The following MRPS5 variants were observed in gnomAD, a reference collection of about 807,000 sequenced individuals.
The protein encoded by MRPS5 is small ribosomal subunit protein uS5m.
A neutral mutation model predicts 51.9 loss-of-function variants in MRPS5; 27 were observed. The observed-to-expected ratio is 0.52, with a 90% confidence interval of 0.38 to 0.72. The LOEUF (loss-of-function observed/expected upper bound fraction) is 0.72, where lower values mean the gene tolerates loss of function less well. Among genes scored for constraint, MRPS5 ranks in the 30% least tolerant of loss-of-function variants. MRPS5 has a pLI of 0.00. For synonymous variants in MRPS5, 196 were observed against 193.2 expected (o/e 1.01, Z -0.12); for missense variants, 570 against 545.7 (o/e 1.04, Z -0.44).
intron 10 of MRPS5, among the ~76,000 whole-genome samples, chr2:95,099,882 A>C (rs1675745813): frequency 1.3e-5 from 2 of 152,202 alleles, no homozygotes; most frequent in Admixed American, 1.3e-4. Context: ...TTATATACCA[A>C]AAGTTATATA....
At chr2:95,095,863 CA>C (rs1675609867) in intron 10 of MRPS5, among the ~76,000 whole-genome samples, 1 of 151,912 alleles carries the variant, frequency 6.6e-6, no homozygotes, top group African/African-American at 2.4e-5. Context: ...ATCAGAGCAG[CA>C]CTGAAGGAAA....
rs541683811 is a variant in MRPS5 at position 95,095,548 on chromosome 2, A to G, written c.931+4926T>C. On this transcript the variant is annotated intron_variant, in intron 10 of 11. Transcript: ENST00000272418. ...ATCAAACTAGAACTCAGGATTAAGA[A>G]ACTCACTCAAAACCGCTCAACTACA... 4.9e-4 allele frequency among the ~76,000 whole-genome samples: 74 copies of G among 152,362 alleles called. 2 individuals carry two copies. The highest frequency in any genetic ancestry group is 4.0e-3 in the Admixed American group (61 of 15,306).
At chr2:95,117,792 AT>A in intron 2 of MRPS5, 72 bp downstream of exon 2, 1 of 1,293,770 alleles carries the variant, frequency 7.7e-7, no homozygotes. Flanking sequence ...GATTACTTAT[AT>A]TTTTTAAAAC....
rs1216637576 is a variant in MRPS5, at chr2:95,101,683, G to A, written c.804C>T (p.Phe268=). The change falls in exon 8 of 12, where the codon TTC becomes TTT. Residue 268 remains phenylalanine (F), a synonymous_variant. Coordinates refer to ENST00000272418, the MANE Select transcript of MRPS5 (RefSeq NM_031902.5). ...IGKATDRMDA[F]RKAKNRAVHH... ...AGAAAAAAAATGTACATACTTTCCTGAAAGCATCCATCCGATCAGTAGCTT... is the reference window on the plus strand; with the variant it reads ...AGAAAAAAAATGTACATACTTTCCTAAAAGCATCCATCCGATCAGTAGCTT... 6.3e-7 allele frequency: 1 copy of A among 1,598,542 alleles called. No individual in the cohort carries two copies. Among genetic ancestry groups the A allele is most frequent in the Middle Eastern group, 1.7e-4 (1 of 5,976 alleles).
chr2:95,121,521 C>A (rs1676448905), intron 1 of MRPS5, among the ~76,000 whole-genome samples: 1 of 152,216 alleles, frequency 6.6e-6, no homozygotes, highest in Admixed American at 6.5e-5. Context: ...ACGTCCAGTT[C>A]CCCCTCATTT....
intron 1 of MRPS5, among the ~76,000 whole-genome samples, chr2:95,119,937 C>A (rs527744786): frequency 1.3e-5 from 2 of 152,130 alleles, no homozygotes; most frequent in South Asian, 4.2e-4. Flanking sequence ...GTGGCATGCA[C>A]CTGTAATCCC....
intron 10 of MRPS5, among the ~76,000 whole-genome samples, chr2:95,093,979 A>C (rs1675544065): frequency 6.6e-6 from 1 of 152,250 alleles, no homozygotes; most frequent in Non-Finnish European, 1.5e-5. Context: ...AGGAAGCTAA[A>C]AATCTTGAAA....
At chr2:95,120,973 C>G (rs1419918193) in intron 1 of MRPS5, among the ~76,000 whole-genome samples, 2 of 152,052 alleles carry the variant, frequency 1.3e-5, no homozygotes, top group East Asian at 3.9e-4. Context: ...CAAAAATTAG[C>G]CAGGCATGGT....
rs1489850745 is a variant in MRPS5, at chr2:95,086,515, G to A, written c.*842C>T. ...TGAGCAACACAGAGAAAACAGACTG[G>A]AAAAAAAATAAACAGCGCCTCAGGG... On this transcript the variant is annotated 3_prime_UTR_variant, in exon 12 of 12. Transcript: ENST00000272418. 6.6e-6 allele frequency among the ~76,000 whole-genome samples: 1 copy of A among 151,622 alleles called. No homozygotes were observed.
chr2:95,101,402 G>T (rs1168536499), intron 8 of MRPS5, among the ~76,000 whole-genome samples: 1 of 148,246 alleles, frequency 6.7e-6, no homozygotes, highest in Non-Finnish European at 1.5e-5. Context: ...AAAAAAAAAA[G>T]TAACAATTCC....
intron 1 of MRPS5, 50 bp downstream of exon 1, chr2:95,121,684 C>G: frequency 6.6e-7 from 1 of 1,515,624 alleles, no homozygotes; most frequent in African/African-American, 1.4e-5. Flanking sequence ...AGGCGAGCCC[C>G]CCACTCCCGG....
intron 11 of MRPS5, among the ~76,000 whole-genome samples, chr2:95,090,143 CTCCAGCCTGGG>C (rs1372245250): frequency 1.4e-5 from 2 of 140,452 alleles, no homozygotes; most frequent in Non-Finnish European, 1.5e-5. Flanking sequence ...CGCCACTGCA[CTCCAGCCTGGG>C]TGACAGAGCG....
intron 10 of MRPS5, chr2:95,092,721 T>TA (rs1042653077): frequency 6.6e-6 from 1 of 152,194 alleles, no homozygotes; most frequent in Non-Finnish European, 1.5e-5. Context: ...AAATTAAAAT[T>TA]ACAGCAGTCA....
In MRPS5 at chr2:95,108,190, G is replaced by C; in HGVS notation, c.622C>G (p.Pro208Ala). Residue 208 changes from proline (P) to alanine (A), a missense_variant, in exon 5 of 12, where the codon CCT becomes GCT. Coordinates refer to ENST00000272418, the MANE Select transcript of MRPS5 (RefSeq NM_031902.5). ...AGTTTGCTACCTCCACAGGGACCAG[G>C]GTCAGGGGGGCCAAGACTGATGCCT... is the stretch of plus-strand genomic sequence containing the variant. ...WGGISLGPPD[P>A]GPCGETYEDF... 1 of 1,614,086 alleles carries C rather than the reference G, an allele frequency of 6.2e-7. No individual in the cohort carries two copies. The highest frequency in any genetic ancestry group is 1.1e-5 in the South Asian group (1 of 91,076).
chr2:95,110,152 C>A, intron 3 of MRPS5, 111 bp from the exon 4 acceptor site: 2 of 1,371,818 alleles, frequency 1.5e-6, no homozygotes, highest in Non-Finnish European at 2.0e-6. Flanking sequence ...TTTACCCATG[C>A]ATCACTGAGG....
intron 3 of MRPS5, 120 bp from the exon 4 acceptor site, chr2:95,110,161 G>A (rs1054537821): frequency 5.7e-6 from 7 of 1,230,368 alleles, no homozygotes; most frequent in Non-Finnish European, 7.9e-6. Context: ...GCATCACTGA[G>A]GTAATGAAAG....
intron 7 of MRPS5, chr2:95,104,377 T>C (rs572641200): frequency 1.4e-4 from 67 of 476,984 alleles, no homozygotes; most frequent in African/African-American, 1.0e-3. Flanking sequence ...TCCACTATTA[T>C]ACATAATAAA....
intron 10 of MRPS5, chr2:95,090,822 C>T (rs1436312168): frequency 3.3e-6 from 1 of 300,350 alleles, no homozygotes; most frequent in East Asian, 6.8e-5. Flanking sequence ...TTCTTGGCAC[C>T]CCAGACTCAT....
rs753369439 is a variant in MRPS5 at position 95,117,937 on chromosome 2, A to G, written c.67T>C (p.Leu23=). 27 of 1,595,402 alleles carry G rather than the reference A, an allele frequency of 1.7e-5. No homozygotes were observed. The highest frequency in any genetic ancestry group is 1.6e-4 in the South Asian group (14 of 86,940). Residue 23 remains leucine, a synonymous_variant, in exon 2 of 12, where the codon TTG becomes CTG. Coordinates refer to ENST00000272418, the MANE Select transcript of MRPS5 (RefSeq NM_031902.5). ...GTGTTTAGGGAACACTGCCTCCCCA[A>G]TAAATGACCTGCAAATTGGAAAAAA... The part of the protein sequence containing the change: ...VLCSGTAGHL[L]GRQCSLNTLP...
Sources: allele counts gnomAD v4.1 joint callset (sites outside exome capture counted in the v4.1 genomes callset), GRCh38; gene constraint gnomAD v4.1.1; transcripts MANE v1.5; gene names NCBI Gene and HGNC (gene_info 2026-07-23, HGNC 2026-07-21).